The following DAB2IP variants were observed in gnomAD, a reference collection of about 807,000 sequenced individuals.
DAB2IP encodes disabled homolog 2-interacting protein.
A neutral mutation model predicts 107.2 loss-of-function variants in DAB2IP; 28 were observed. That is an observed-to-expected ratio of 0.26 (90% CI 0.19 to 0.36). The LOEUF (loss-of-function observed/expected upper bound fraction) is 0.36. Ranked by LOEUF, DAB2IP falls within the 10% of genes least tolerant of loss-of-function variation. DAB2IP has a pLI of 1.00. For missense variants in DAB2IP, 1,400 were observed against 1,644.7 expected (o/e 0.85, Z 2.57); for synonymous variants, 755 against 706.4 (o/e 1.07, Z -1.09).
chr9:121,724,173 T>C (rs1043197691), intron 3 of DAB2IP, among the ~76,000 whole-genome samples: 1 of 152,086 alleles, frequency 6.6e-6, no homozygotes, highest in African/African-American at 2.4e-5. Flanking sequence ...GCCCTAGACT[T>C]GCTCCCCTTT....
intron 1 of DAB2IP, among the ~76,000 whole-genome samples, chr9:121,571,054 G>C (rs557399852): frequency 4.2e-4 from 64 of 151,956 alleles, no homozygotes; most frequent in South Asian, 3.5e-3. Context: ...CCCCCAAGCT[G>C]TCTCCCCCCA....
At chr9:121,738,721 A>C (rs1202405205) in intron 3 of DAB2IP, among the ~76,000 whole-genome samples, 1 of 152,234 alleles carries the variant, frequency 6.6e-6, no homozygotes, top group Non-Finnish European at 1.5e-5. Flanking sequence ...GAGGCATTCA[A>C]GACCTGGCTC....
At chr9:121,687,096 G>A (rs938499197) in intron 2 of DAB2IP, among the ~76,000 whole-genome samples, 2 of 152,182 alleles carry the variant, frequency 1.3e-5, no homozygotes, top group African/African-American at 4.8e-5. Flanking sequence ...TCCTCCCAGT[G>A]AGTGTTGAAG....
At chr9:121,586,313 C>T (rs538445986) in intron 1 of DAB2IP, among the ~76,000 whole-genome samples, 8 of 152,172 alleles carry the variant, frequency 5.3e-5, no homozygotes, top group Non-Finnish European at 8.8e-5. Context: ...AATAACTGTG[C>T]GAAAATCACA....
chr9:121,567,167 A>G, exon 1 of DAB2IP: 2 of 1,614,062 alleles, frequency 1.2e-6, no homozygotes, highest in African/African-American at 1.3e-5. Flanking sequence ...AGGTGGGGCC[A>G]GGGGCTGGGG....
intron 1 of DAB2IP, among the ~76,000 whole-genome samples, chr9:121,606,542 A>G (rs987118202): frequency 6.6e-6 from 1 of 152,236 alleles, no homozygotes; most frequent in South Asian, 2.1e-4. Context: ...GCAGCTCAGG[A>G]CTTCCCTGAC....
At chr9:121,752,098 C>A in intron 3 of DAB2IP, 1 of 906,304 alleles carries the variant, frequency 1.1e-6, no homozygotes, top group South Asian at 5.1e-5. Flanking sequence ...TAGGATGAGC[C>A]TCCTAACCTT....
chr9:121,620,281 T>G (rs951927756), intron 1 of DAB2IP, among the ~76,000 whole-genome samples: 4 of 152,080 alleles, frequency 2.6e-5, no homozygotes, highest in African/African-American at 9.7e-5. Flanking sequence ...GTGTGGCTGT[T>G]TGCTTCCACC....
chr9:121,728,158 G>T (rs928012981), intron 3 of DAB2IP, among the ~76,000 whole-genome samples: 3 of 152,048 alleles, frequency 2.0e-5, no homozygotes, highest in Admixed American at 6.5e-5. Context: ...GGAGGCCCTG[G>T]GTTCTAGGCC....
intron 11 of DAB2IP, among the ~76,000 whole-genome samples, chr9:121,771,797 C>T (rs909410897): frequency 6.6e-6 from 1 of 152,200 alleles, no homozygotes; most frequent in African/African-American, 2.4e-5. Flanking sequence ...GGCACTTCCT[C>T]TCCGTCTGAG....
intron 3 of DAB2IP, among the ~76,000 whole-genome samples, chr9:121,728,596 C>G (rs1831359775): frequency 7.6e-6 from 1 of 130,802 alleles, no homozygotes; most frequent in Non-Finnish European, 1.8e-5. Flanking sequence ...GAATACATAC[C>G]CAACCCTCCA....
intron 1 of DAB2IP, among the ~76,000 whole-genome samples, chr9:121,602,072 G>T (rs1830701583): frequency 6.6e-6 from 1 of 152,058 alleles, no homozygotes; most frequent in Admixed American, 6.6e-5. Context: ...CCATTTTCCT[G>T]CAGGTCACAG....
At chr9:121,592,006 G>T (rs993235073) in intron 1 of DAB2IP, among the ~76,000 whole-genome samples, 1 of 152,150 alleles carries the variant, frequency 6.6e-6, no homozygotes, top group African/African-American at 2.4e-5. Context: ...AGATGGAGGT[G>T]GAAATGTATC....
At chr9:121,726,180 G>GT (rs1234155256) in intron 3 of DAB2IP, among the ~76,000 whole-genome samples, 1 of 152,204 alleles carries the variant, frequency 6.6e-6, no homozygotes, top group Non-Finnish European at 1.5e-5. Flanking sequence ...GAGGCTGAAG[G>GT]TTAAGTTAGT....
intron 1 of DAB2IP, among the ~76,000 whole-genome samples, chr9:121,574,371 G>T (rs185112687): frequency 2.0e-5 from 3 of 152,160 alleles, no homozygotes; most frequent in African/African-American, 7.2e-5. Context: ...GGGAAGGGAC[G>T]CCAGAATCTA....
intron 1 of DAB2IP, among the ~76,000 whole-genome samples, chr9:121,585,679 C>A (rs1830297336): frequency 6.6e-6 from 1 of 151,958 alleles, no homozygotes; most frequent in Non-Finnish European, 1.5e-5. Context: ...GCAGCAAGAT[C>A]CCTGTCTCTA....
intron 1 of DAB2IP, among the ~76,000 whole-genome samples, chr9:121,664,310 C>T (rs1023996429): frequency 1.3e-5 from 2 of 152,194 alleles, no homozygotes; most frequent in Admixed American, 1.3e-4. Flanking sequence ...CAAAGTACTT[C>T]TTGAGACCAG....
At chr9:121,707,855 C>T (rs1258336827) in intron 3 of DAB2IP, among the ~76,000 whole-genome samples, 1 of 152,110 alleles carries the variant, frequency 6.6e-6, no homozygotes, top group Non-Finnish European at 1.5e-5. Context: ...ATAGATTGTT[C>T]CCAGCCCCAC....
chr9:121,579,851 T>C (rs1374794799), intron 1 of DAB2IP, among the ~76,000 whole-genome samples: 3 of 152,208 alleles, frequency 2.0e-5, no homozygotes, highest in African/African-American at 7.2e-5. Flanking sequence ...CTCCAATCAA[T>C]GCCACACACA....
Sources: gnomAD v4.1 joint callset for allele counts (sites outside exome capture counted in the v4.1 genomes callset) on GRCh38, gnomAD v4.1.1 for gene constraint, MANE v1.5 for transcripts, NCBI Gene and HGNC (gene_info 2026-07-23, HGNC 2026-07-21) for gene names.